Variants in ATE1 observed in about 807,000 individuals in gnomAD.
The protein encoded by ATE1 is arginyl-tRNA--protein transferase 1.
In ATE1, 36 loss-of-function variants were observed where a neutral mutation model predicts 70.5. That is an observed-to-expected ratio of 0.51 (90% CI 0.39 to 0.67). ATE1 has a LOEUF of 0.67. Ranked by LOEUF, ATE1 falls within the 30% of genes least tolerant of loss-of-function variation. The probability of loss-of-function intolerance (pLI) is 0.00; values close to 1 mark genes in which losing one functional copy is unlikely to be tolerated. For synonymous variants in ATE1, 232 were observed against 219.3 expected (o/e 1.06, Z -0.51); for missense variants, 593 against 629.5 (o/e 0.94, Z 0.62).
intron 7 of ATE1, among the ~76,000 whole-genome samples, chr10:121,874,302 C>T (rs1200722686): frequency 1.3e-5 from 2 of 152,070 alleles, no homozygotes; most frequent in Non-Finnish European, 2.9e-5. Flanking sequence ...ACTGGTAGTT[C>T]TAAGGCAGTG....
intron 7 of ATE1, among the ~76,000 whole-genome samples, chr10:121,882,426 CAATGATTATTTGG>C (rs996533101): frequency 6.6e-6 from 1 of 152,108 alleles, no homozygotes; most frequent in Non-Finnish European, 1.5e-5. Context: ...AAAGTTTAGT[CAATGATTATTTGG>C]CCAAGCACCT....
intron 5 of ATE1, among the ~76,000 whole-genome samples, chr10:121,903,247 C>T (rs1270663636): frequency 6.6e-6 from 1 of 152,010 alleles, no homozygotes; most frequent in African/African-American, 2.4e-5. Flanking sequence ...TGAGGAAGAA[C>T]ACAATCAAAT....
chr10:121,755,240 C>A (rs2135738067), intron 11 of ATE1, among the ~76,000 whole-genome samples: 1 of 152,266 alleles, frequency 6.6e-6, no homozygotes, highest in Admixed American at 6.5e-5. Context: ...ATGGTAACAT[C>A]TCAATGTTAC....
At chr10:121,796,089 G>T (rs1946648271) in intron 10 of ATE1, among the ~76,000 whole-genome samples, 1 of 152,012 alleles carries the variant, frequency 6.6e-6, no homozygotes, top group South Asian at 2.1e-4. Context: ...GGTCTGACAG[G>T]GCTTCTCTCA....
At chr10:121,747,414 T>C (rs1564804867) in intron 11 of ATE1, among the ~76,000 whole-genome samples, 1 of 152,282 alleles carries the variant, frequency 6.6e-6, no homozygotes, top group East Asian at 1.9e-4. Context: ...AGACTGGAGC[T>C]GGGGGGATAA....
intron 4 of ATE1, among the ~76,000 whole-genome samples, chr10:121,913,442 C>T (rs967151571): frequency 6.6e-6 from 1 of 152,166 alleles, no homozygotes; most frequent in Admixed American, 6.6e-5. Flanking sequence ...GCACTTGCTT[C>T]TTGAGAGACA....
chr10:121,892,322 T>A (rs10887014), intron 7 of ATE1, among the ~76,000 whole-genome samples: 1 of 151,898 alleles, frequency 6.6e-6, no homozygotes, highest in Non-Finnish European at 1.5e-5. Flanking sequence ...TCCCTGTTAA[T>A]GAGCCCCAAA....
At chr10:121,745,383 G>C (rs1160895965) in intron 11 of ATE1, among the ~76,000 whole-genome samples, 1 of 152,022 alleles carries the variant, frequency 6.6e-6, no homozygotes, top group Non-Finnish European at 1.5e-5. Flanking sequence ...CTCTGAATGG[G>C]ACCTGAGCTT....
chr10:121,905,851 G>C (rs972423940), intron 5 of ATE1, among the ~76,000 whole-genome samples: 1 of 25,716 alleles, frequency 3.9e-5, no homozygotes, highest in African/African-American at 1.4e-4. Context: ...GTCTCCAAGA[G>C]AGAGAAAAAA....
chr10:121,894,047 G>C (rs1950676322), intron 7 of ATE1, among the ~76,000 whole-genome samples: 1 of 149,702 alleles, frequency 6.7e-6, no homozygotes, highest in Non-Finnish European at 1.5e-5. Context: ...TGAGGCAGGA[G>C]AATCACTTGA....
chr10:121,919,641 C>A (rs1293422164), intron 3 of ATE1, among the ~76,000 whole-genome samples: 2 of 151,946 alleles, frequency 1.3e-5, no homozygotes, highest in African/African-American at 4.8e-5. Context: ...ATGTGCTGGG[C>A]ATGGTGGCTC....
intron 10 of ATE1, among the ~76,000 whole-genome samples, chr10:121,794,661 T>TAAA (rs374044559): frequency 0.017 from 1,116 of 65,676 alleles, 35 homozygotes; most frequent in African/African-American, 0.067. Context: ...GAATGTCTGG[T>TAAA]AAAAAAAAAA....
At chr10:121,918,822 G>A (rs1032359445) in intron 3 of ATE1, among the ~76,000 whole-genome samples, 3 of 150,866 alleles carry the variant, frequency 2.0e-5, no homozygotes, top group Non-Finnish European at 3.0e-5. Context: ...GGGTGGGGGG[G>A]ACGTGAAGAA....
At chr10:121,870,654 CCTTTCT>C (rs1949822864) in intron 7 of ATE1, among the ~76,000 whole-genome samples, 1 of 152,084 alleles carries the variant, frequency 6.6e-6, no homozygotes, top group Non-Finnish European at 1.5e-5. Flanking sequence ...TTCTCTCTCA[CCTTTCT>C]CTTTCTTTTT....
chr10:121,789,151 C>T (rs1475429934), intron 11 of ATE1, among the ~76,000 whole-genome samples: 1 of 152,150 alleles, frequency 6.6e-6, no homozygotes, highest in Non-Finnish European at 1.5e-5. Flanking sequence ...ATCCTCATTA[C>T]AGCTAGTAGG....
intron 9 of ATE1, among the ~76,000 whole-genome samples, chr10:121,838,804 T>A (rs1948523910): frequency 6.6e-6 from 1 of 152,028 alleles, no homozygotes; most frequent in Admixed American, 6.6e-5. Flanking sequence ...ATTCAAACAA[T>A]TCTTATATCT....
chr10:121,787,103 T>C (rs1946247275), intron 11 of ATE1, among the ~76,000 whole-genome samples: 1 of 152,110 alleles, frequency 6.6e-6, no homozygotes, highest in Non-Finnish European at 1.5e-5. Context: ...TACAAAAGGA[T>C]AGGGGGAAAA....
intron 8 of ATE1, among the ~76,000 whole-genome samples, chr10:121,867,411 C>A (rs1468820192): frequency 1.3e-5 from 2 of 152,128 alleles, no homozygotes; most frequent in African/African-American, 4.8e-5. Flanking sequence ...TGCTAAAAAC[C>A]CTTATTCCTG....
rs1951537556 is a variant in ATE1, at chr10:121,913,811, C to A, written c.316G>T (p.Val106Phe). 2 of 1,612,554 alleles carry A rather than the reference C, an allele frequency of 1.2e-6. No homozygotes were observed. Among genetic ancestry groups the A allele is most frequent in the Admixed American group, 1.7e-5 (1 of 59,918 alleles). Residue 106 changes from valine to phenylalanine, a missense_variant, in exon 4 of 12, where the codon GTT becomes TTT. Val to Phe is a conservative substitution (Grantham distance 50). Coordinates refer to ENST00000224652, the MANE Select transcript of ATE1 (RefSeq NM_001001976.3). ...KMLKFLAKGE[V>F]PKGSCEDEPM... ...TTACCCTCACAACTTCCTTTGGGAACCTCCCCTTTAGCTAGAAATTTCAAC... is the reference window on the plus strand; with the variant it reads ...TTACCCTCACAACTTCCTTTGGGAAACTCCCCTTTAGCTAGAAATTTCAAC...
Sources: allele counts gnomAD v4.1 joint callset (sites outside exome capture counted in the v4.1 genomes callset), GRCh38; gene constraint gnomAD v4.1.1; transcripts MANE v1.5; gene names NCBI Gene and HGNC (gene_info 2026-07-23, HGNC 2026-07-21).